The following EHBP1 variants were observed in gnomAD, a reference collection of about 807,000 sequenced individuals.
EHBP1 encodes the protein EH domain-binding protein 1.
A neutral mutation model predicts 144.0 loss-of-function variants in EHBP1; 55 were observed. The observed-to-expected ratio is 0.38, with a 90% confidence interval of 0.31 to 0.48. The LOEUF is 0.48. Among genes scored for constraint, EHBP1 ranks in the 20% least tolerant of loss-of-function variants. The pLI, the probability that EHBP1 is intolerant of heterozygous loss-of-function variation, is 0.98. For synonymous variants in EHBP1, 469 were observed against 472.7 expected (o/e 0.99, Z 0.10); for missense variants, 1,200 against 1,364.2 (o/e 0.88, Z 1.90).
intron 10 of EHBP1, among the ~76,000 whole-genome samples, chr2:62,912,148 T>C (rs956300559): frequency 1.3e-5 from 2 of 152,140 alleles, no homozygotes; most frequent in African/African-American, 2.4e-5. Context: ...TGATATGATA[T>C]TAGATTAGCT....
intron 8 of EHBP1, among the ~76,000 whole-genome samples, chr2:62,862,870 G>C (rs2049695472): frequency 6.6e-6 from 1 of 151,804 alleles, no homozygotes; most frequent in Non-Finnish European, 1.5e-5. Context: ...ATCTTAGACA[G>C]TTTTATTACA....
At chr2:62,957,790 C>T (rs1036555317) in intron 14 of EHBP1, among the ~76,000 whole-genome samples, 4 of 151,778 alleles carry the variant, frequency 2.6e-5, no homozygotes, top group South Asian at 4.2e-4. Context: ...GGATTACAGG[C>T]GCCCACCACC....
intron 7 of EHBP1, among the ~76,000 whole-genome samples, chr2:62,848,617 G>A (rs1190409482): frequency 6.6e-6 from 1 of 152,182 alleles, no homozygotes; most frequent in Non-Finnish European, 1.5e-5. Context: ...CTATTGATAT[G>A]CCCTACAACA....
chr2:62,773,010 A>C (rs1308648480), intron 5 of EHBP1, among the ~76,000 whole-genome samples: 1 of 152,222 alleles, frequency 6.6e-6, no homozygotes, highest in Non-Finnish European at 1.5e-5. Context: ...ATGCATGGGA[A>C]AGAGCACAGA....
intron 14 of EHBP1, among the ~76,000 whole-genome samples, chr2:62,972,464 A>G (rs1006644237): frequency 1.3e-5 from 2 of 152,200 alleles, no homozygotes; most frequent in African/African-American, 4.8e-5. Flanking sequence ...AAAAATTAAA[A>G]TGAACTAGTT....
At chr2:62,897,435 A>C (rs2053030916) in intron 10 of EHBP1, among the ~76,000 whole-genome samples, 1 of 152,198 alleles carries the variant, frequency 6.6e-6, no homozygotes, top group African/African-American at 2.4e-5. Context: ...TATTTCATAT[A>C]TGTTGGATAA....
chr2:62,973,705 AAC>A (rs1163917194), intron 14 of EHBP1, among the ~76,000 whole-genome samples: 1 of 152,208 alleles, frequency 6.6e-6, no homozygotes, highest in Non-Finnish European at 1.5e-5. Context: ...TAAGTTTAGA[AAC>A]ACTGATAGTG....
chr2:62,692,634 T>C (rs972122970), intron 1 of EHBP1, among the ~76,000 whole-genome samples: 1 of 152,212 alleles, frequency 6.6e-6, no homozygotes, highest in African/African-American at 2.4e-5. Context: ...GCAAATTATA[T>C]TGAACATCTT....
rs41356849 is a variant in EHBP1 at position 62,972,870 on chromosome 2, C to T, written c.2461-6318C>T. 1.2e-3 allele frequency among the ~76,000 whole-genome samples: 183 copies of T among 152,208 alleles called. 1 individual carries two copies. Among genetic ancestry groups the T allele is most frequent in the Admixed American group, 0.011 (161 of 15,288 alleles). On this transcript the variant is annotated intron_variant, in intron 14 of 22. Transcript: ENST00000431489. Reference sequence around the variant, plus strand: ...AGTCTGTTAATGAGGCTAAATCTTGCTACTTGAGAATTGAATTACAGCACA... The same window carrying T: ...AGTCTGTTAATGAGGCTAAATCTTGTTACTTGAGAATTGAATTACAGCACA...
chr2:62,844,348 CATTTATTG>C (rs1265808275), intron 7 of EHBP1, among the ~76,000 whole-genome samples: 1 of 152,122 alleles, frequency 6.6e-6, no homozygotes, highest in Non-Finnish European at 1.5e-5. Context: ...AGGCAGGAAC[CATTTATTG>C]ATGCTACTTC....
At chr2:62,856,868 G>A (rs1170531913) in intron 7 of EHBP1, among the ~76,000 whole-genome samples, 1 of 152,206 alleles carries the variant, frequency 6.6e-6, no homozygotes, top group Non-Finnish European at 1.5e-5. Flanking sequence ...TGACATAGTG[G>A]AAAGTATGCT....
At position 62,822,112 on chromosome 2, in the gene EHBP1, A is replaced by C. The variant is rs1363357549; in HGVS notation, c.313-3975A>C. ...AAGTTTTTTTTTAACGATGTTTAAAAATATTTATAAAGAAGTCCTGAGTCT... is the reference window on the plus strand; with the variant it reads ...AAGTTTTTTTTTAACGATGTTTAAACATATTTATAAAGAAGTCCTGAGTCT... On this transcript the variant is annotated intron_variant, in intron 5 of 22. Transcript: ENST00000431489. Among the ~76,000 whole-genome samples, 18 of 152,308 alleles carry C rather than the reference A, an allele frequency of 1.2e-4. No individual in the cohort carries two copies. In the East Asian group the frequency reaches 3.5e-3, roughly 29 times the overall value.
At chr2:62,690,146 T>C (rs970225401) in intron 1 of EHBP1, among the ~76,000 whole-genome samples, 3 of 152,172 alleles carry the variant, frequency 2.0e-5, no homozygotes, top group African/African-American at 7.2e-5. Flanking sequence ...TAGTTAACAG[T>C]CACCTGCAGC....
intron 7 of EHBP1, among the ~76,000 whole-genome samples, chr2:62,855,545 C>T (rs771460902): frequency 4.6e-5 from 7 of 152,138 alleles, no homozygotes; most frequent in African/African-American, 7.2e-5. Flanking sequence ...GTTCCACAGA[C>T]CAGAGTGGGA....
intron 19 of EHBP1, among the ~76,000 whole-genome samples, chr2:63,037,148 C>T (rs1461455207): frequency 6.6e-6 from 1 of 151,812 alleles, no homozygotes; most frequent in African/African-American, 2.4e-5. Flanking sequence ...CCTGATCTTC[C>T]TGCTAGTCTT....
chr2:63,041,739 T>A (rs2061667464), intron 21 of EHBP1, among the ~76,000 whole-genome samples: 2 of 152,134 alleles, frequency 1.3e-5, no homozygotes, highest in African/African-American at 2.4e-5. Context: ...TCTTTCAGGA[T>A]TGCTAGTTGA....
chr2:62,769,728 A>G, intron 4 of EHBP1, among the ~76,000 whole-genome samples: 1 of 151,754 alleles, frequency 6.6e-6, no homozygotes, highest in East Asian at 1.9e-4. Context: ...ACAAAGCTGG[A>G]AGCATCATGC....
chr2:62,954,562 G>A (rs1422814614), intron 13 of EHBP1, among the ~76,000 whole-genome samples: 1 of 151,806 alleles, frequency 6.6e-6, no homozygotes, highest in African/African-American at 2.4e-5. Flanking sequence ...TCTTCTTTAA[G>A]TTTATAGAAA....
chr2:62,696,508 C>CTTTTTTTTTTTTTTTTTTTTTTTTTCT (rs869081763), intron 1 of EHBP1, among the ~76,000 whole-genome samples: 1 of 76,754 alleles, frequency 1.3e-5, no homozygotes, highest in African/African-American at 5.5e-5. Context: ...TTTTTTTCTT[C>CTTTTTTTTTTTTTTTTTTTTTTTTTCT]TTTTTTTTTT....
Sources: gnomAD v4.1 joint callset for allele counts (sites outside exome capture counted in the v4.1 genomes callset) on GRCh38, gnomAD v4.1.1 for gene constraint, MANE v1.5 for transcripts, NCBI Gene and HGNC (gene_info 2026-07-23, HGNC 2026-07-21) for gene names.